Variants in FIGN observed in about 807,000 individuals in gnomAD.
FIGN encodes fidgetin, microtubule severing factor.
FIGN carries 11 observed loss-of-function variants against 51.3 expected under a neutral mutation model. That is an observed-to-expected ratio of 0.21 (90% CI 0.13 to 0.35). The LOEUF (loss-of-function observed/expected upper bound fraction) is 0.35, where lower values mean the gene tolerates loss of function less well. Among genes scored for constraint, FIGN ranks in the 10% least tolerant of loss-of-function variants. The pLI, the probability that FIGN is intolerant of heterozygous loss-of-function variation, is 1.00. For synonymous variants in FIGN, 407 were observed against 363.2 expected (o/e 1.12, Z -1.37); for missense variants, 857 against 943.6 (o/e 0.91, Z 1.20).
rs377061386 is a variant in FIGN at position 163,698,421 on chromosome 2, C to T, written c.25+36482G>A. ...CCTCCCTGGCGCCACTCCTAGTCTC[C>T]CAATGCTACACTTTTAGAATGCCAG... On this transcript the variant is annotated intron_variant, in intron 2 of 2. Coordinates refer to ENST00000333129, the MANE Select transcript of FIGN (RefSeq NM_018086.4). Among the ~76,000 whole-genome samples, 21 of 152,116 alleles carry T rather than the reference C, an allele frequency of 1.4e-4. No individual in the cohort carries two copies. In the South Asian group the frequency reaches 1.5e-3, roughly 11 times the overall value.
chr2:163,658,519 G>A (rs1038214935), intron 2 of FIGN, among the ~76,000 whole-genome samples: 1 of 152,088 alleles, frequency 6.6e-6, no homozygotes, highest in Non-Finnish European at 1.5e-5. Context: ...CAAGAAGCAT[G>A]GCACCAGCAT....
chr2:163,625,696 A>G (rs918829728), intron 2 of FIGN, among the ~76,000 whole-genome samples: 14 of 151,948 alleles, frequency 9.2e-5, no homozygotes, highest in Non-Finnish European at 1.9e-4. Context: ...GCATATATAT[A>G]TAATGATTAC....
rs1448411086 is a variant in FIGN at position 163,608,706 on chromosome 2, A to T, written c.*846T>A. 1 of 152,482 alleles carries T rather than the reference A, an allele frequency of 6.6e-6. No homozygotes were observed. Among genetic ancestry groups the T allele is most frequent in the Admixed American group, 6.5e-5 (1 of 15,282 alleles). 9.4% of individuals were successfully genotyped at this position (152,482 alleles called of 1,614,324 possible). A position where few individuals can be genotyped will look rare whatever the true frequency, so the allele number is the denominator to read the frequency against. On this transcript the variant is annotated 3_prime_UTR_variant, in exon 3 of 3. Coordinates refer to ENST00000333129, the MANE Select transcript of FIGN (RefSeq NM_018086.4). ...CATAATTAGTAAAAGAACTTAAAAA[A>T]ATCCTTCCATTTCTACTTTAAACTG... is the stretch of plus-strand genomic sequence containing the variant.
At chr2:163,647,114 G>A (rs1280740252) in intron 2 of FIGN, among the ~76,000 whole-genome samples, 1 of 152,184 alleles carries the variant, frequency 6.6e-6, no homozygotes, top group Non-Finnish European at 1.5e-5. Flanking sequence ...CTGGAACAAA[G>A]GCTCTCTCTG....
intron 2 of FIGN, among the ~76,000 whole-genome samples, chr2:163,637,993 C>A (rs1683251878): frequency 6.6e-6 from 1 of 152,034 alleles, no homozygotes; most frequent in Non-Finnish European, 1.5e-5. Context: ...TAATTCGATT[C>A]CTGGCACCAT....
chr2:163,630,626 C>T (rs1396021034), intron 2 of FIGN, among the ~76,000 whole-genome samples: 1 of 147,104 alleles, frequency 6.8e-6, no homozygotes, highest in Non-Finnish European at 1.5e-5. Flanking sequence ...AAACATAGGC[C>T]TAACTGACAA....
chr2:163,711,603 C>A (rs1411080274), intron 2 of FIGN, among the ~76,000 whole-genome samples: 4 of 145,918 alleles, frequency 2.7e-5, no homozygotes, highest in Non-Finnish European at 5.9e-5. Flanking sequence ...AACTCATTAT[C>A]TTCAAAAGGA....
At position 163,669,503 on chromosome 2, in the gene FIGN, C is replaced by G. The variant is rs888766151; in HGVS notation, c.26-57697G>C. Among the ~76,000 whole-genome samples the G allele has an allele frequency of 5.9e-5, 9 of 152,224 alleles. No homozygotes were observed. In the South Asian group the frequency reaches 8.3e-4, roughly 14 times the overall value. On this transcript the variant is annotated intron_variant, in intron 2 of 2. Transcript: ENST00000333129. ...ACATCTTACATATAAATAAGAAATA[C>G]GTATTTGACTTCATACATATTGTCT...
intron 2 of FIGN, among the ~76,000 whole-genome samples, chr2:163,630,214 C>T (rs931957433): frequency 6.6e-6 from 1 of 151,948 alleles, no homozygotes; most frequent in African/African-American, 2.4e-5. Context: ...AATCCTCCCA[C>T]CTCAGCCTCC....
intron 2 of FIGN, chr2:163,612,438 T>A (rs1400759169): frequency 3.0e-6 from 3 of 985,172 alleles, no homozygotes; most frequent in Non-Finnish European, 3.6e-6. Flanking sequence ...TCATCTAAAG[T>A]GGTCCACGAC....
rs894305169 is a variant in FIGN, at chr2:163,606,141, A to G, written c.*3411T>C. On this transcript the variant is annotated 3_prime_UTR_variant, in exon 3 of 3. Transcript: ENST00000333129. Reference sequence around the variant, plus strand: ...GAGTAGAATACAAACTGACTAATAGATAAACATTCTGTGTGAAAGTAAATA... The same window carrying G: ...GAGTAGAATACAAACTGACTAATAGGTAAACATTCTGTGTGAAAGTAAATA... The G allele has an allele frequency of 1.2e-4, 19 of 152,160 alleles. No individual in the cohort carries two copies. The highest frequency in any genetic ancestry group is 4.3e-4 in the African/African-American group (18 of 41,448). 9.4% of individuals were successfully genotyped at this position (152,160 alleles called of 1,614,324 possible).
intron 2 of FIGN, among the ~76,000 whole-genome samples, chr2:163,631,199 G>A (rs564048771): frequency 3.3e-5 from 5 of 152,170 alleles, no homozygotes; most frequent in South Asian, 4.1e-4. Context: ...ATCCCATAAC[G>A]TTTTATTAGC....
rs1431008454 is a variant in FIGN at position 163,610,882 on chromosome 2, T to C, written c.950A>G (p.Lys317Arg). Residue 317 changes from lysine (K) to arginine (R), a missense_variant, in exon 3 of 3, where the codon AAA (lysine) becomes AGA (arginine). Coordinates refer to ENST00000333129, the MANE Select transcript of FIGN (RefSeq NM_018086.4). ...ALTNSSASSL[K>R]RKAFYMAGQG... ...CCCTGCCATGTAGAAAGCTTTCCTT[T>C]TGAGAGAACTTGCTGAACTGTTTGT... 1.5e-5 allele frequency: 25 copies of C among 1,613,762 alleles called. No individual in the cohort carries two copies. The highest frequency in any genetic ancestry group is 2.1e-5 in the Non-Finnish European group (25 of 1,179,896).
chr2:163,657,447 A>C (rs1024450082), intron 2 of FIGN, among the ~76,000 whole-genome samples: 17 of 152,044 alleles, frequency 1.1e-4, no homozygotes, highest in African/African-American at 4.1e-4. Flanking sequence ...CAGAAGAGGC[A>C]TATCCTCACA....
chr2:163,633,456 C>T (rs1365054473), intron 2 of FIGN, among the ~76,000 whole-genome samples: 1 of 152,136 alleles, frequency 6.6e-6, no homozygotes. Flanking sequence ...AGCTAATATG[C>T]GTAGGAGCCA....
intron 2 of FIGN, among the ~76,000 whole-genome samples, chr2:163,647,576 A>C (rs1256040380): frequency 1.3e-5 from 2 of 152,182 alleles, no homozygotes; most frequent in African/African-American, 4.8e-5. Flanking sequence ...CTCAGATCAC[A>C]CAGCTAGTTA....
chr2:163,660,792 T>TATAC (rs1683649306), intron 2 of FIGN, among the ~76,000 whole-genome samples: 5 of 87,970 alleles, frequency 5.7e-5, no homozygotes, highest in South Asian at 3.5e-4. Flanking sequence ...CATATATATG[T>TATAC]ATATAGATAT....
At chr2:163,685,892 A>G (rs1684140520) in intron 2 of FIGN, among the ~76,000 whole-genome samples, 1 of 152,224 alleles carries the variant, frequency 6.6e-6, no homozygotes, top group Admixed American at 6.5e-5. Context: ...GGCATAAACT[A>G]CTAAGTGAAC....
chr2:163,613,890 A>G (rs539482527), intron 2 of FIGN, among the ~76,000 whole-genome samples: 18 of 152,310 alleles, frequency 1.2e-4, no homozygotes, highest in Non-Finnish European at 1.9e-4. Context: ...TTAAGTCTGA[A>G]TGCTGCACAG....
Sources: gnomAD v4.1 joint callset for allele counts (sites outside exome capture counted in the v4.1 genomes callset) on GRCh38, gnomAD v4.1.1 for gene constraint, MANE v1.5 for transcripts, NCBI Gene and HGNC (gene_info 2026-07-23, HGNC 2026-07-21) for gene names.